PRKG2: variants seen among roughly 807,000 people sequenced by gnomAD.
PRKG2 encodes the protein cGMP-dependent protein kinase 2.
A neutral mutation model predicts 97.2 loss-of-function variants in PRKG2; 33 were observed. The observed-to-expected ratio is 0.34, with a 90% confidence interval of 0.26 to 0.45. The LOEUF (loss-of-function observed/expected upper bound fraction) is 0.45, where lower values mean the gene tolerates loss of function less well. Ranked by LOEUF, PRKG2 falls within the 20% of genes least tolerant of loss-of-function variation. PRKG2 has a pLI of 1.00. For synonymous variants in PRKG2, 330 were observed against 321.8 expected, an observed-to-expected ratio of 1.03 and a Z score of -0.27; for missense variants, 638 against 900.0, an observed-to-expected ratio of 0.71 and a Z score of 3.73.
At chr4:81,102,357 T>C (rs970683758) in intron 17 of PRKG2, among the ~76,000 whole-genome samples, 1 of 152,180 alleles carries the variant, frequency 6.6e-6, no homozygotes, top group Admixed American at 6.5e-5. Flanking sequence ...TGCCAAAGCA[T>C]AACATGAAGA....
intron 2 of PRKG2, among the ~76,000 whole-genome samples, chr4:81,183,794 C>T (rs954177092): frequency 2.6e-5 from 4 of 152,074 alleles, no homozygotes; most frequent in African/African-American, 4.8e-5. Flanking sequence ...CTGGAACACT[C>T]GAGCTTAGTG....
Position 81,089,591 on chromosome 4 carries a change from T to C in PRKG2, c.*117A>G, listed in dbSNP as rs575698333. ...CTCTTCCCATTGTGCAGGAATTTCT[T>C]TTCCCTAATGGTCTTCCAAAGATAT... On this transcript the variant is annotated 3_prime_UTR_variant, in exon 19 of 19. Transcript: ENST00000264399. The C allele has an allele frequency of 7.5e-5, 55 of 734,352 alleles. No homozygotes were observed. Among genetic ancestry groups the C allele is most frequent in the African/African-American group, 7.4e-4 (41 of 55,730 alleles). 45.5% of individuals were successfully genotyped at this position (734,352 alleles called of 1,614,324 possible). A position where few individuals can be genotyped will look rare whatever the true frequency, so the allele number is the denominator to read the frequency against.
Position 81,204,819 on chromosome 4 carries a change from T to G in PRKG2, c.229A>C (p.Ile77Leu). The part of the protein sequence containing the change: ...ELTEELQNKC[I>L]QLNKLQDVVH... ...ACATCCTGCAGCTTGTTCAGCTGGATGCACTTGTTCTGGAGCTCCTCTGTG... is the reference window on the plus strand; with the variant it reads ...ACATCCTGCAGCTTGTTCAGCTGGAGGCACTTGTTCTGGAGCTCCTCTGTG... The change falls in exon 2 of 19, where the codon ATC (isoleucine) becomes CTC (leucine). Residue 77 changes from isoleucine to leucine, a missense_variant. By Grantham distance (5) the Ile-to-Leu change is conservative. Coordinates refer to ENST00000264399, the MANE Select transcript of PRKG2 (RefSeq NM_006259.3). 1.2e-6 allele frequency: 2 copies of G among 1,614,218 alleles called. No homozygotes were observed. Among genetic ancestry groups the G allele is most frequent in the Non-Finnish European group, 1.7e-6 (2 of 1,180,026 alleles).
intron 2 of PRKG2, among the ~76,000 whole-genome samples, chr4:81,181,424 T>C (rs900622652): frequency 4.2e-4 from 64 of 151,336 alleles, no homozygotes; most frequent in African/African-American, 1.4e-3. Context: ...AATTATATAA[T>C]AAAATAAATA....
chr4:81,159,026 T>A (rs1432820603), intron 6 of PRKG2, among the ~76,000 whole-genome samples: 2 of 151,972 alleles, frequency 1.3e-5, no homozygotes, highest in East Asian at 1.9e-4. Flanking sequence ...AACCTAGGCA[T>A]TACCATTCGG....
intron 17 of PRKG2, among the ~76,000 whole-genome samples, chr4:81,103,290 C>T (rs1437733990): frequency 6.6e-6 from 1 of 152,118 alleles, no homozygotes; most frequent in East Asian, 1.9e-4. Flanking sequence ...GGCATATCTC[C>T]TAATGCTATC....
intron 1 of PRKG2, among the ~76,000 whole-genome samples, chr4:81,210,120 A>G (rs1753890372): frequency 1.3e-5 from 2 of 152,264 alleles, no homozygotes; most frequent in Non-Finnish European, 1.5e-5. Context: ...AAACAAAATT[A>G]CAAAACCCCC....
intron 2 of PRKG2, among the ~76,000 whole-genome samples, chr4:81,203,378 C>T (rs1283947158): frequency 2.6e-5 from 4 of 152,122 alleles, no homozygotes; most frequent in Admixed American, 2.6e-4. Context: ...TGATCATTCA[C>T]TATGCTTCCA....
intron 9 of PRKG2, among the ~76,000 whole-genome samples, chr4:81,145,178 G>A (rs893342625): frequency 2.0e-5 from 3 of 152,010 alleles, no homozygotes; most frequent in Non-Finnish European, 2.9e-5. Context: ...CTGAGGAATC[G>A]CCACACTGTC....
chr4:81,160,179 T>C (rs534252749), intron 6 of PRKG2, among the ~76,000 whole-genome samples: 1 of 152,066 alleles, frequency 6.6e-6, no homozygotes, highest in Non-Finnish European at 1.5e-5. Flanking sequence ...ATTGAAGACA[T>C]AAAGAAAGCA....
chr4:81,092,468 GGAA>G lies in PRKG2; in HGVS notation c.2127-19_2127-17del. 1 of 543,078 alleles carries G rather than the reference GGAA, an allele frequency of 1.8e-6. No individual in the cohort carries two copies. Among genetic ancestry groups the G allele is most frequent in the Non-Finnish European group, 3.1e-6 (1 of 320,448 alleles). 33.6% of individuals were successfully genotyped at this position (543,078 alleles called of 1,614,324 possible). A position where few individuals can be genotyped will look rare whatever the true frequency, so the allele number is the denominator to read the frequency against. On this transcript the variant is annotated splice_polypyrimidine_tract_variant and intron_variant, in intron 17 of 18. Coordinates refer to ENST00000264399, the MANE Select transcript of PRKG2 (RefSeq NM_006259.3). ...ATTTAACCACCTGAGAAATGAGAAAGGAAGGAAGGAAGGAAGGAAGGAAGGAAG... is the reference window on the plus strand; with the variant it reads ...ATTTAACCACCTGAGAAATGAGAAAGGGAAGGAAGGAAGGAAGGAAGGAAG...
intron 17 of PRKG2, among the ~76,000 whole-genome samples, chr4:81,094,310 T>C (rs750590629): frequency 2.6e-5 from 4 of 152,168 alleles, no homozygotes; most frequent in African/African-American, 4.8e-5. Flanking sequence ...TACAACTGTA[T>C]TGTTTTTAAA....
intron 14 of PRKG2, among the ~76,000 whole-genome samples, chr4:81,111,408 A>G (rs1261536194): frequency 1.3e-5 from 2 of 148,864 alleles, no homozygotes; most frequent in Non-Finnish European, 2.9e-5. Context: ...TTAATATTAT[A>G]TCATGTTATA....
chr4:81,147,191 G>A (rs917192050), intron 9 of PRKG2, among the ~76,000 whole-genome samples: 1 of 152,086 alleles, frequency 6.6e-6, no homozygotes, highest in Non-Finnish European at 1.5e-5. Context: ...GAATACATGA[G>A]ACATTGTATA....
At chr4:81,188,254 C>A (rs932082152) in intron 2 of PRKG2, among the ~76,000 whole-genome samples, 2 of 150,754 alleles carry the variant, frequency 1.3e-5, no homozygotes, top group Non-Finnish European at 2.9e-5. Flanking sequence ...TTTATGCAGC[C>A]AAAAAACACA....
intron 2 of PRKG2, among the ~76,000 whole-genome samples, chr4:81,200,704 G>A (rs1363289067): frequency 6.6e-6 from 1 of 152,138 alleles, no homozygotes; most frequent in Non-Finnish European, 1.5e-5. Context: ...TCTCTAGTAA[G>A]GGGGGTAGCA....
upstream of PRKG2, among the ~76,000 whole-genome samples, chr4:81,217,066 T>A (rs60417544): frequency 5.5e-5 from 8 of 145,382 alleles, no homozygotes; most frequent in African/African-American, 2.0e-4. Flanking sequence ...TGTATATATA[T>A]AATATAAAAC....
chr4:81,193,530 G>C (rs1560619583), intron 2 of PRKG2: 1 of 152,192 alleles, frequency 6.6e-6, no homozygotes. Flanking sequence ...TAAACGCTGA[G>C]TTAGAACAAA....
intron 2 of PRKG2, chr4:81,193,154 A>AT (rs1472265414): frequency 2.0e-5 from 3 of 152,130 alleles, no homozygotes; most frequent in Non-Finnish European, 2.9e-5. Flanking sequence ...TCTATCAAGG[A>AT]TTTTTTGTGA....
Sources: allele counts gnomAD v4.1 joint callset (sites outside exome capture counted in the v4.1 genomes callset), GRCh38; gene constraint gnomAD v4.1.1; transcripts MANE v1.5; gene names NCBI Gene and HGNC (gene_info 2026-07-23, HGNC 2026-07-21).